The following USP15 variants were observed in gnomAD, a reference collection of about 807,000 sequenced individuals.
USP15 encodes the protein ubiquitin specific peptidase 15.
In USP15, 18 loss-of-function variants were observed where a neutral mutation model predicts 127.1. The observed-to-expected ratio is 0.14, with a 90% CI of 0.10 to 0.21. USP15 has a LOEUF of 0.21. Among genes scored for constraint, USP15 ranks in the 10% least tolerant of loss-of-function variants. The pLI is 1.00. For synonymous variants in USP15, 364 were observed against 393.7 expected, an observed-to-expected ratio of 0.92 and a Z score of 0.89; for missense variants, 805 against 1,159.9, an observed-to-expected ratio of 0.69 and a Z score of 4.44.
chr12:62,392,015 G>C, intron 17 of USP15, 129 bp downstream of exon 17: 3 of 986,934 alleles, frequency 3.0e-6, no homozygotes, highest in South Asian at 3.8e-5. Context: ...TAAAAAATTG[G>C]TCATGAACTA....
Position 62,408,775 on chromosome 12 carries a change from A to T in USP15, c.*4400A>T, listed in dbSNP as rs556692631. 1 of 152,076 alleles carries T rather than the reference A, an allele frequency of 6.6e-6. No homozygotes were observed. The highest frequency in any genetic ancestry group is 2.4e-5 in the African/African-American group (1 of 41,434). 9.4% of individuals were successfully genotyped at this position (152,076 alleles called of 1,614,324 possible). A position where few individuals can be genotyped will look rare whatever the true frequency, so the allele number is the denominator to read the frequency against. ...CTATATTATATATCATTTTATTATC[A>T]GATTTTCTAGTGAGAAATATATATG... On this transcript the variant is annotated 3_prime_UTR_variant, in exon 22 of 22. Coordinates refer to ENST00000280377, the MANE Select transcript of USP15 (RefSeq NM_001252078.2).
chr12:62,302,740 CCAAA>C (rs748945125), intron 2 of USP15, 46 bp from the exon 3 acceptor site: 30 of 1,553,758 alleles, frequency 1.9e-5, no homozygotes, highest in Middle Eastern at 1.7e-4. Context: ...TGTAATGTGT[CCAAA>C]CAAAGTATTT....
intron 1 of USP15, among the ~76,000 whole-genome samples, chr12:62,284,533 T>C (rs962314952): frequency 2.6e-5 from 4 of 152,230 alleles, no homozygotes; most frequent in Non-Finnish European, 5.9e-5. Flanking sequence ...TTTAGCTATT[T>C]TCGGACGTAA....
At chr12:62,360,287 A>G (rs1369079033) in intron 8 of USP15, among the ~76,000 whole-genome samples, 1 of 152,132 alleles carries the variant, frequency 6.6e-6, no homozygotes, top group Non-Finnish European at 1.5e-5. Context: ...TCCTGTCATA[A>G]TATATAAAAT....
intron 1 of USP15, among the ~76,000 whole-genome samples, chr12:62,291,274 C>CT (rs2063959504): frequency 6.6e-6 from 1 of 152,060 alleles, no homozygotes; most frequent in East Asian, 1.9e-4. Flanking sequence ...CTTTAACATT[C>CT]TTTTTTCTTT....
chr12:62,346,878 A>T (rs1437862824), intron 6 of USP15, among the ~76,000 whole-genome samples: 1 of 152,078 alleles, frequency 6.6e-6, no homozygotes, highest in African/African-American at 2.4e-5. Flanking sequence ...TGAACACATC[A>T]TGGTTTCTAC....
At chr12:62,392,517 T>TTA in intron 18 of USP15, 130 bp downstream of exon 18, 1 of 657,840 alleles carries the variant, frequency 1.5e-6, no homozygotes. Flanking sequence ...ATTCTTTATA[T>TTA]AAGTTGTAGC....
intron 6 of USP15, chr12:62,336,631 C>T (rs2065474614): frequency 2.7e-6 from 1 of 367,744 alleles, no homozygotes; most frequent in Non-Finnish European, 3.8e-6. Context: ...TGTATTTTGA[C>T]ATGAATAACA....
intron 8 of USP15, among the ~76,000 whole-genome samples, chr12:62,375,780 C>G (rs755083801): frequency 4.6e-5 from 7 of 152,098 alleles, no homozygotes; most frequent in Non-Finnish European, 7.4e-5. Flanking sequence ...CTTGCAGTTT[C>G]CCATATAAAA....
rs945769611 is a variant in USP15, at chr12:62,413,566, T to C, written c.*9191T>C. ...ATGCTTGTCTGTTGTGGAGACAGCT[T>C]GTTTCCTTAAACTCCATGAATCAAC... On this transcript the variant is annotated 3_prime_UTR_variant, in exon 22 of 22. Transcript: ENST00000280377. 3 of 152,262 alleles carry C rather than the reference T, an allele frequency of 2.0e-5. No homozygotes were observed. The highest frequency in any genetic ancestry group is 7.2e-5 in the African/African-American group (3 of 41,462). The allele number at this position is 152,262 out of a possible 1,614,324, so 9.4% of individuals were successfully genotyped here. A position where few individuals can be genotyped will look rare whatever the true frequency, so the allele number is the denominator to read the frequency against.
intron 2 of USP15, among the ~76,000 whole-genome samples, chr12:62,301,798 A>G (rs542252978): frequency 1.3e-5 from 2 of 152,264 alleles, no homozygotes; most frequent in African/African-American, 4.8e-5. Context: ...CTGTGTTCTC[A>G]TTATTGAAAT....
At chr12:62,270,045 C>CT (rs1218980220) in intron 1 of USP15, among the ~76,000 whole-genome samples, 3 of 151,552 alleles carry the variant, frequency 2.0e-5, no homozygotes, top group Non-Finnish European at 2.9e-5. Context: ...CACTTATGTT[C>CT]TTTTTTTTAA....
chr12:62,274,487 T>A (rs1473134596), intron 1 of USP15, among the ~76,000 whole-genome samples: 1 of 150,520 alleles, frequency 6.6e-6, no homozygotes, highest in African/African-American at 2.4e-5. Flanking sequence ...CTACAAAAAA[T>A]TTTTAAAAAT....
At chr12:62,262,693 A>G (rs561088390) in intron 1 of USP15, among the ~76,000 whole-genome samples, 20 of 152,200 alleles carry the variant, frequency 1.3e-4, no homozygotes, top group Non-Finnish European at 2.2e-4. Flanking sequence ...CTGTATAGGT[A>G]CAGTGTCTCA....
intron 8 of USP15, among the ~76,000 whole-genome samples, chr12:62,368,708 CAT>C (rs1209031535): frequency 2.0e-5 from 3 of 152,144 alleles, no homozygotes; most frequent in Non-Finnish European, 4.4e-5. Flanking sequence ...TGTCTTTGCA[CAT>C]GAGATGGGTC....
rs529695516 is a variant in USP15 at position 62,322,420 on chromosome 12, G to A, written c.621+811G>A. On this transcript the variant is annotated intron_variant, in intron 5 of 21. Transcript: ENST00000280377. Reference sequence around the variant, plus strand: ...CAAAGTGCTGGGATTACAGGTGTGCGCCACCGTGCCCGGCCGGTATTTTTT... The same window carrying A: ...CAAAGTGCTGGGATTACAGGTGTGCACCACCGTGCCCGGCCGGTATTTTTT... Among the ~76,000 whole-genome samples the A allele has an allele frequency of 2.6e-5, 4 of 152,122 alleles. No individual in the cohort carries two copies. In the South Asian group the frequency reaches 8.3e-4, roughly 32 times the overall value.
chr12:62,324,812 A>G (rs1446010046), intron 5 of USP15, among the ~76,000 whole-genome samples: 1 of 151,978 alleles, frequency 6.6e-6, no homozygotes, highest in African/African-American at 2.4e-5. Context: ...ACTCTGAAAC[A>G]TGCTTACATT....
At position 62,414,950 on chromosome 12, in the gene USP15, C is replaced by G. The variant is rs79132131; in HGVS notation, c.*10575C>G. ...TATACACATATATGTATAGCTCTCTCCCTCATATATACACATATCATGTAT... is the reference window on the plus strand; with the variant it reads ...TATACACATATATGTATAGCTCTCTGCCTCATATATACACATATCATGTAT... On this transcript the variant is annotated 3_prime_UTR_variant, in exon 22 of 22. Transcript: ENST00000280377. 3.7e-3 allele frequency: 559 copies of G among 151,458 alleles called. 4 individuals are homozygous for G. Among genetic ancestry groups the G allele is most frequent in the African/African-American group, 0.013 (527 of 41,324 alleles). 9.4% of individuals were successfully genotyped at this position (151,458 alleles called of 1,614,324 possible).
At chr12:62,372,956 C>T (rs184133867) in intron 8 of USP15, among the ~76,000 whole-genome samples, 52 of 152,042 alleles carry the variant, frequency 3.4e-4, no homozygotes, top group Admixed American at 1.4e-3. Flanking sequence ...TTAAAATTCA[C>T]GAATAGCCTG....
Sources: allele counts gnomAD v4.1 joint callset (sites outside exome capture counted in the v4.1 genomes callset), GRCh38; gene constraint gnomAD v4.1.1; transcripts MANE v1.5; gene names NCBI Gene and HGNC (gene_info 2026-07-23, HGNC 2026-07-21).